Variants in MFSD2A observed in about 807,000 individuals in gnomAD.
MFSD2A encodes MFSD2 lysolipid transporter A, lysophospholipid.
In MFSD2A, 27 loss-of-function variants were observed where a neutral mutation model predicts 64.7. The observed-to-expected ratio is 0.42, with a 90% CI of 0.31 to 0.58. The LOEUF is 0.58. Ranked by LOEUF, MFSD2A falls within the 20% of genes least tolerant of loss-of-function variation. MFSD2A has a pLI of 0.18. For missense variants in MFSD2A, 474 were observed against 679.5 expected (o/e 0.70, Z 3.36); for synonymous variants, 258 against 273.4 (o/e 0.94, Z 0.55).
In MFSD2A at chr1:39,955,369, GC is replaced by G; in HGVS notation, c.80del (p.Pro27ArgfsTer4). The G allele has an allele frequency of 6.7e-7, 1 of 1,493,914 alleles. No individual in the cohort carries two copies. The highest frequency in any genetic ancestry group is 1.4e-5 in the South Asian group (1 of 72,974). The allele number at this position is 1,493,914 out of a possible 1,614,324, so 92.5% of individuals were successfully genotyped here. A position where few individuals can be genotyped will look rare whatever the true frequency, so the allele number is the denominator to read the frequency against. On this transcript the variant is annotated frameshift_variant, in exon 1 of 14. Coordinates refer to ENST00000372811, the MANE Select transcript of MFSD2A (RefSeq NM_032793.5). LOFTEE classifies it high-confidence loss of function. The surrounding 1 kb of genome is among the most constrained non-coding windows in gnomAD (Gnocchi z 5.9). ...LPTSILQSTERPAQVKKEPKK... is the reference protein window; with the variant it reads ...LPTSILQSTEXPAQVKKEPKK... ...ACCAGCATCCTCCAAAGCACTGAAC[GC>G]CCGGCCCAGGTGAAGGTGAGGGCCC...
chr1:39,966,569 C>G, intron 6 of MFSD2A, 32 bp from the exon 7 acceptor site: 1 of 1,577,910 alleles, frequency 6.3e-7, no homozygotes, highest in Non-Finnish European at 8.7e-7. Flanking sequence ...TCAAACTGAC[C>G]ATCCTTGTAT....
rs748329625 is a variant in MFSD2A at position 39,955,419 on chromosome 1, G to C, written c.93+34G>C. ...CCGGCACCCCGCGTGGAGGGCGAGG[G>C]GAGGGAGGAGGCGGAAATGGGGGAT... is the stretch of plus-strand genomic sequence containing the variant. On this transcript the variant is annotated intron_variant, in intron 1 of 13. Transcript: ENST00000372811. The surrounding 1 kb of genome is among the most constrained non-coding windows in gnomAD (Gnocchi z 5.9). The C allele has an allele frequency of 1.3e-6, 2 of 1,506,350 alleles. No homozygotes were observed. The highest frequency in any genetic ancestry group is 1.8e-6 in the Non-Finnish European group (2 of 1,126,212). The allele number at this position is 1,506,350 out of a possible 1,614,324, so 93.3% of individuals were successfully genotyped here.
intron 9 of MFSD2A, 26 bp downstream of exon 9, chr1:39,967,195 G>A (rs757815290): frequency 6.9e-6 from 11 of 1,599,058 alleles, no homozygotes; most frequent in Non-Finnish European, 8.6e-7. Context: ...GCAGGGGCGG[G>A]CAGCCTGGGC....
intron 1 of MFSD2A, among the ~76,000 whole-genome samples, chr1:39,956,131 A>G (rs1196401368): frequency 1.3e-5 from 2 of 152,324 alleles, no homozygotes; most frequent in East Asian, 3.9e-4. Flanking sequence ...TGGGCAACCC[A>G]ACCTCCCTAG....
intron 3 of MFSD2A, among the ~76,000 whole-genome samples, chr1:39,961,320 G>A (rs898565731): frequency 1.0e-3 from 5 of 4,838 alleles, no homozygotes; most frequent in Non-Finnish European, 1.6e-3. Context: ...TTTTCTTCCC[G>A]CCCCCGCCCC....
rs1645240946 is a variant in MFSD2A at position 39,969,635 on chromosome 1, C to T, written c.*67C>T. ...GAAGGGATCAGGACCTGTCTGCCGG[C>T]TTGCTGAGCAGCTGGACTGCAGGTG... On this transcript the variant is annotated 3_prime_UTR_variant, in exon 14 of 14. Transcript: ENST00000372811. 6.8e-7 allele frequency: 1 copy of T among 1,465,828 alleles called. No homozygotes were observed. The highest frequency in any genetic ancestry group is 1.2e-5 in the South Asian group (1 of 81,970). The allele number at this position is 1,465,828 out of a possible 1,614,324, so 90.8% of individuals were successfully genotyped here.
At position 39,960,172 on chromosome 1, in the gene MFSD2A, C is replaced by A. The variant is rs1050917562; in HGVS notation, c.353+1347C>A. Among the ~76,000 whole-genome samples, 3 of 152,252 alleles carry A rather than the reference C, an allele frequency of 2.0e-5. No individual in the cohort carries two copies. The highest frequency in any genetic ancestry group is 7.2e-5 in the African/African-American group (3 of 41,470). ...ATCGGATCAGACGGCAGGGGAGACGCACAGGATAGGCTGTCAGGCGGGGGC... is the reference window on the plus strand; with the variant it reads ...ATCGGATCAGACGGCAGGGGAGACGAACAGGATAGGCTGTCAGGCGGGGGC... On this transcript the variant is annotated intron_variant, in intron 3 of 13. Coordinates refer to ENST00000372811, the MANE Select transcript of MFSD2A (RefSeq NM_032793.5). The surrounding 1 kb of genome is among the most constrained non-coding windows in gnomAD (Gnocchi z 4.8).
At position 39,968,979 on chromosome 1, in the gene MFSD2A, A is replaced by G. The variant is rs867506451; in HGVS notation, c.1529+234A>G. 1.3e-5 allele frequency among the ~76,000 whole-genome samples: 2 copies of G among 152,140 alleles called. No individual in the cohort carries two copies. Among genetic ancestry groups the G allele is most frequent in the South Asian group, 4.1e-4 (2 of 4,826 alleles). On this transcript the variant is annotated intron_variant, in intron 13 of 13. Coordinates refer to ENST00000372811, the MANE Select transcript of MFSD2A (RefSeq NM_032793.5). The surrounding 1 kb of genome is among the most constrained non-coding windows in gnomAD (Gnocchi z 4.4). The stretch of plus-strand genomic sequence containing the variant: ...GACTGCTCTAGTGAACAAGACAAAA[A>G]TCTCTGTCCTTAAGGAGCCTGTTAT...
rs1645206378 is a variant in MFSD2A at position 39,968,275 on chromosome 1, C to T, written c.1209-59C>T. 7 of 1,610,388 alleles carry T rather than the reference C, an allele frequency of 4.3e-6. No individual in the cohort carries two copies. The highest frequency in any genetic ancestry group is 1.1e-5 in the South Asian group (1 of 90,846). ...AAGCTTCCAGAGGGCCACCTCTTCTCATTAACACAGAGGCCCGTTAGGTGG... is the reference window on the plus strand; with the variant it reads ...AAGCTTCCAGAGGGCCACCTCTTCTTATTAACACAGAGGCCCGTTAGGTGG... On this transcript the variant is annotated intron_variant, in intron 11 of 13. Coordinates refer to ENST00000372811, the MANE Select transcript of MFSD2A (RefSeq NM_032793.5). This position sits in a 1 kb window ranked among gnomAD's most constrained non-coding sequence, Gnocchi z 4.4.
At chr1:39,962,589 G>A in intron 3 of MFSD2A, 1 of 714,202 alleles carries the variant, frequency 1.4e-6, no homozygotes, top group Non-Finnish European at 2.4e-6. Flanking sequence ...TGGAGGCCCT[G>A]GTGGCCCTGG....
In MFSD2A at chr1:39,969,543, C is replaced by G. The variant is rs763681378; in HGVS notation, c.1568C>G (p.Ser523Cys). ...ASSSGCSETD[S>C]TELASIL ...AGCTCTGGCTGCTCAGAAACAGACT[C>G]CACAGAGCTGGCTAGCATCCTCTAG... The change falls in exon 14 of 14, where the codon TCC (serine) becomes TGC (cysteine). Residue 523 changes from serine (S) to cysteine (C), a missense_variant. Physicochemically the swap from Ser to Cys is moderately radical, Grantham distance 112 (BLOSUM62 -1). Transcript: ENST00000372811. The G allele has an allele frequency of 6.2e-7, 1 of 1,602,952 alleles. No individual in the cohort carries two copies. Among genetic ancestry groups the G allele is most frequent in the South Asian group, 1.1e-5 (1 of 89,806 alleles).
chr1:39,968,085 A>C lies in MFSD2A; in HGVS notation c.1208+169A>C, dbSNP rs535205071. The C allele has an allele frequency of 4.7e-6, 3 of 642,450 alleles. No individual in the cohort carries two copies. Among genetic ancestry groups the C allele is most frequent in the East Asian group, 2.7e-5 (1 of 36,710 alleles). 39.8% of individuals were successfully genotyped at this position (642,450 alleles called of 1,614,324 possible). On this transcript the variant is annotated intron_variant, in intron 11 of 13. Coordinates refer to ENST00000372811, the MANE Select transcript of MFSD2A (RefSeq NM_032793.5). This position sits in a 1 kb window ranked among gnomAD's most constrained non-coding sequence, Gnocchi z 4.4. ...CAGTTGTACAGGTAGTGAGCTTTGC[A>C]AGAACACCTAGTCAGAGTGAAAAAT...
chr1:39,960,424 A>G lies in MFSD2A; in HGVS notation c.353+1599A>G, dbSNP rs1645013385. ...AGCCCCTGGCTAAGGCCCAGGTTGG[A>G]GCCTTTGATCCAGTCTTCAGGGCCG... On this transcript the variant is annotated intron_variant, in intron 3 of 13. Coordinates refer to ENST00000372811, the MANE Select transcript of MFSD2A (RefSeq NM_032793.5). This position sits in a 1 kb window ranked among gnomAD's most constrained non-coding sequence, Gnocchi z 4.8. Among the ~76,000 whole-genome samples the G allele has an allele frequency of 7.0e-6, 1 of 142,142 alleles. No homozygotes were observed. Among genetic ancestry groups the G allele is most frequent in the Non-Finnish European group, 1.5e-5 (1 of 64,926 alleles). 93.3% of individuals were successfully genotyped at this position (142,142 alleles called of 152,430 possible).
In MFSD2A at chr1:39,964,837, A is replaced by G; in HGVS notation, c.354-374A>G. ...ATGGGGTGTGTGTGTGCGGTTGATG[A>G]CTATCCGTGTGAGAACACGGGAGTT... On this transcript the variant is annotated intron_variant, in intron 3 of 13. Coordinates refer to ENST00000372811, the MANE Select transcript of MFSD2A (RefSeq NM_032793.5). This position sits in a 1 kb window ranked among gnomAD's most constrained non-coding sequence, Gnocchi z 4.1. 1 of 268,334 alleles carries G rather than the reference A, an allele frequency of 3.7e-6. No homozygotes were observed. The highest frequency in any genetic ancestry group is 7.2e-6 in the Non-Finnish European group (1 of 139,702). 16.6% of individuals were successfully genotyped at this position (268,334 alleles called of 1,614,324 possible). A position where few individuals can be genotyped will look rare whatever the true frequency, so the allele number is the denominator to read the frequency against.
At position 39,965,232 on chromosome 1, in the gene MFSD2A, GGCC is replaced by G. The variant is rs1298314548; in HGVS notation, c.377_379del (p.Ala126del). 6.2e-7 allele frequency: 1 copy of G among 1,613,938 alleles called. No homozygotes were observed. The highest frequency in any genetic ancestry group is 1.7e-5 in the Admixed American group (1 of 59,996). On this transcript the variant is annotated inframe_deletion, in exon 4 of 14. Coordinates refer to ENST00000372811, the MANE Select transcript of MFSD2A (RefSeq NM_032793.5). The surrounding 1 kb of genome is among the most constrained non-coding windows in gnomAD (Gnocchi z 5.5). ...TCAGGATCATCTTCTCCACGCCCCTGGCCGTCATTGCCTACTTCCTCATCTGGT... is the reference window on the plus strand; with the variant it reads ...TCAGGATCATCTTCTCCACGCCCCTGGTCATTGCCTACTTCCTCATCTGGT...
Position 39,965,998 on chromosome 1 carries a change from C to T in MFSD2A, c.698C>T (p.Thr233Ile), listed in dbSNP as rs147454339. Residue 233 changes from threonine (T) to isoleucine (I), a missense_variant, in exon 6 of 14, where the codon ACC becomes ATC. Coordinates refer to ENST00000372811, the MANE Select transcript of MFSD2A (RefSeq NM_032793.5). This position sits in a 1 kb window ranked among gnomAD's most constrained non-coding sequence, Gnocchi z 5.5. The stretch of plus-strand genomic sequence containing the variant: ...AGTGCCAACCATACACATGGCACCA[C>T]CTCACACAGGGAAACGGTGAGGCCC... ...SQSANHTHGT[T>I]SHRETQKAYL... 2.5e-6 allele frequency: 4 copies of T among 1,614,162 alleles called. No homozygotes were observed. Among genetic ancestry groups the T allele is most frequent in the East Asian group, 4.5e-5 (2 of 44,878 alleles).
In MFSD2A at chr1:39,958,889, T is replaced by C; in HGVS notation, c.353+64T>C. 2 of 1,502,396 alleles carry C rather than the reference T, an allele frequency of 1.3e-6. No individual in the cohort carries two copies. The highest frequency in any genetic ancestry group is 9.0e-7 in the Non-Finnish European group (1 of 1,117,216). The allele number at this position is 1,502,396 out of a possible 1,614,324, so 93.1% of individuals were successfully genotyped here. A position where few individuals can be genotyped will look rare whatever the true frequency, so the allele number is the denominator to read the frequency against. On this transcript the variant is annotated intron_variant, in intron 3 of 13. Coordinates refer to ENST00000372811, the MANE Select transcript of MFSD2A (RefSeq NM_032793.5). This position sits in a 1 kb window ranked among gnomAD's most constrained non-coding sequence, Gnocchi z 4.7. ...GACTTCCAGCATATCTGCTCCTTGG[T>C]CCTTCTCTCTGTCTTGTCACAGGCA...
chr1:39,964,974 C>A lies in MFSD2A; in HGVS notation c.354-237C>A. The A allele has an allele frequency of 1.7e-6, 1 of 579,100 alleles. No individual in the cohort carries two copies. The highest frequency in any genetic ancestry group is 1.9e-5 in the African/African-American group (1 of 53,606). 35.9% of individuals were successfully genotyped at this position (579,100 alleles called of 1,614,324 possible). ...CCTCTGGACTAGACTCAGGCTCTGACCTCACACTCCATGCCTAGGATTTCA... is the reference window on the plus strand; with the variant it reads ...CCTCTGGACTAGACTCAGGCTCTGAACTCACACTCCATGCCTAGGATTTCA... On this transcript the variant is annotated intron_variant, in intron 3 of 13. Transcript: ENST00000372811. The surrounding 1 kb of genome is among the most constrained non-coding windows in gnomAD (Gnocchi z 4.1).
chr1:39,962,231 C>T (rs1204908739), intron 3 of MFSD2A, among the ~76,000 whole-genome samples: 2 of 152,214 alleles, frequency 1.3e-5, no homozygotes, highest in Non-Finnish European at 2.9e-5. Flanking sequence ...ACGCACCTAT[C>T]TGAAGACCTT....
Sources: gnomAD v4.1 joint callset for allele counts (sites outside exome capture counted in the v4.1 genomes callset) on GRCh38, gnomAD v4.1.1 for gene constraint, Gnocchi (gnomAD v3.1) non-coding constraint, MANE v1.5 for transcripts, NCBI Gene and HGNC (gene_info 2026-07-23, HGNC 2026-07-21) for gene names.